The following ZNF469 variants were observed in gnomAD, a reference collection of about 807,000 sequenced individuals.
ZNF469 encodes the protein zinc finger protein 469.
A neutral mutation model predicts 1.0 loss-of-function variants in ZNF469; 1 was observed. The observed-to-expected ratio is 1.00, with a 90% confidence interval of 0.35 to 4.73. The LOEUF (loss-of-function observed/expected upper bound fraction) is 4.73. ZNF469 is among the 30% of genes most tolerant of loss of function. The pLI, the probability that ZNF469 is intolerant of heterozygous loss-of-function variation, is 0.16. For synonymous variants in ZNF469, 2,703 were observed against 2,363.4 expected (o/e 1.14, Z -4.17); for missense variants, 6,100 against 5,356.3 (o/e 1.14, Z -4.33).
the ZNF469 span, among the ~76,000 whole-genome samples, chr16:88,355,036 G>A: frequency 1.3e-5 from 2 of 152,198 alleles, no homozygotes; most frequent in South Asian, 4.1e-4. Flanking sequence ...CTGATACTCA[G>A]GGAACGTGGG....
chr16:88,382,500 G>A (rs1187496024), upstream of ZNF469, among the ~76,000 whole-genome samples: 2 of 152,192 alleles, frequency 1.3e-5, no homozygotes, highest in Admixed American at 6.5e-5. Context: ...ATGAGAAAGC[G>A]TGCCATGGGG....
At chr16:88,380,068 CACAG>C (rs200114385), upstream of ZNF469, among the ~76,000 whole-genome samples, 777 of 151,074 alleles carry the variant, frequency 5.1e-3, 7 homozygotes, top group African/African-American at 0.017. Context: ...CATACTCACA[CACAG>C]ACACGCACTC....
the ZNF469 span, among the ~76,000 whole-genome samples, chr16:88,145,723 C>A: frequency 1.3e-5 from 2 of 152,252 alleles, no homozygotes; most frequent in Admixed American, 6.5e-5. Context: ...GGCCTCTTGC[C>A]CCGTCGCTGC....
At chr16:88,422,942 G>A (rs965549667) in intron 1 of ZNF469, among the ~76,000 whole-genome samples, 21 of 150,746 alleles carry the variant, frequency 1.4e-4, no homozygotes, top group Admixed American at 9.2e-4. Context: ...TGGGTGGATG[G>A]ATGATGATGG....
At chr16:88,199,913 G>A in the ZNF469 span, among the ~76,000 whole-genome samples, 64 of 152,320 alleles carry the variant, frequency 4.2e-4, no homozygotes, top group African/African-American at 1.4e-3. Flanking sequence ...AGGTGAGGCC[G>A]GACTGCATGT....
chr16:88,143,801 G>A, the ZNF469 span, among the ~76,000 whole-genome samples: 1 of 152,234 alleles, frequency 6.6e-6, no homozygotes, highest in African/African-American at 2.4e-5. Flanking sequence ...CCCTGCCTGT[G>A]TCCTCCCAGG....
intron 1 of ZNF469, among the ~76,000 whole-genome samples, chr16:88,399,574 C>G (rs944777456): frequency 3.9e-5 from 6 of 152,190 alleles, no homozygotes; most frequent in African/African-American, 1.4e-4. Flanking sequence ...CAGGGACAAC[C>G]TTGTCACAAG....
chr16:88,197,507 A>T, the ZNF469 span, among the ~76,000 whole-genome samples: 61,524 of 152,208 alleles, frequency 0.4, 14,038 homozygotes, highest in South Asian at 0.55. Context: ...GGGCCAAGGA[A>T]TTGGGATGGC....
chr16:88,392,022 C>T (rs1312035190), intron 1 of ZNF469, among the ~76,000 whole-genome samples: 1 of 152,198 alleles, frequency 6.6e-6, no homozygotes, highest in African/African-American at 2.4e-5. Flanking sequence ...TATCACATAA[C>T]ATCATACAAT....
the ZNF469 span, among the ~76,000 whole-genome samples, chr16:88,148,505 C>T: frequency 6.6e-6 from 1 of 152,152 alleles, no homozygotes; most frequent in Non-Finnish European, 1.5e-5. Context: ...CACAACTGGC[C>T]AGAGGGGCAA....
At chr16:88,340,101 C>A in the ZNF469 span, among the ~76,000 whole-genome samples, 3 of 152,268 alleles carry the variant, frequency 2.0e-5, no homozygotes, top group South Asian at 6.2e-4. Context: ...AGTCAGCAAG[C>A]AAACAGCCCC....
chr16:88,412,074 A>C (rs918860818), intron 1 of ZNF469, among the ~76,000 whole-genome samples: 1 of 7,996 alleles, frequency 1.3e-4, no homozygotes, highest in Non-Finnish European at 2.3e-4. Context: ...AGGGAGGTGC[A>C]GGGGGCGGGG....
the ZNF469 span, among the ~76,000 whole-genome samples, chr16:88,305,114 G>A: frequency 1.3e-5 from 2 of 152,164 alleles, no homozygotes; most frequent in African/African-American, 4.8e-5. Context: ...TGATGCCCTG[G>A]TGCAGAAACT....
the ZNF469 span, among the ~76,000 whole-genome samples, chr16:88,257,230 C>T: frequency 1.2e-4 from 18 of 151,224 alleles, no homozygotes; most frequent in African/African-American, 3.9e-4. Flanking sequence ...TCCCAAAGTG[C>T]TGGGATTACG....
chr16:88,389,416 C>T (rs1051749239), intron 1 of ZNF469, among the ~76,000 whole-genome samples: 2 of 152,246 alleles, frequency 1.3e-5, no homozygotes, highest in Non-Finnish European at 2.9e-5. Flanking sequence ...CTCCGTTGGA[C>T]GCCTGGCTTG....
At chr16:88,372,309 T>C in the ZNF469 span, among the ~76,000 whole-genome samples, 2 of 10,640 alleles carry the variant, frequency 1.9e-4, no homozygotes, top group Non-Finnish European at 3.9e-4. Context: ...TCACCATGAT[T>C]ACCACCATCA....
chr16:88,146,337 C>G, the ZNF469 span, among the ~76,000 whole-genome samples: 1 of 152,304 alleles, frequency 6.6e-6, no homozygotes, highest in Middle Eastern at 3.4e-3. Flanking sequence ...TTCTGGCTGT[C>G]TTTGTGCCTG....
intron 1 of ZNF469, among the ~76,000 whole-genome samples, chr16:88,398,516 T>C (rs116358635): frequency 8.5e-4 from 127 of 149,280 alleles, no homozygotes; most frequent in African/African-American, 3.1e-3. Flanking sequence ...CAAGAGGACA[T>C]GTGAGCCACA....
At chr16:88,197,286 G>A in the ZNF469 span, among the ~76,000 whole-genome samples, 7 of 152,176 alleles carry the variant, frequency 4.6e-5, no homozygotes, top group East Asian at 5.8e-4. Context: ...GGCTCACCGC[G>A]GGATCCTGCC....
Sources: allele counts gnomAD v4.1 joint callset (sites outside exome capture counted in the v4.1 genomes callset), GRCh38; gene constraint gnomAD v4.1.1; transcripts MANE v1.5; gene names NCBI Gene and HGNC (gene_info 2026-07-23, HGNC 2026-07-21).